The following SLC4A4 variants were observed in gnomAD, a reference collection of about 807,000 sequenced individuals.
SLC4A4 encodes the protein solute carrier family 4 member 4.
Under a neutral mutation model 111.5 loss-of-function variants are expected in SLC4A4, and 27 were observed. That is an observed-to-expected ratio of 0.24 (90% CI 0.18 to 0.33). The LOEUF (loss-of-function observed/expected upper bound fraction) is 0.33, where lower values mean the gene tolerates loss of function less well. Among genes scored for constraint, SLC4A4 ranks in the 10% least tolerant of loss-of-function variants. The probability of loss-of-function intolerance (pLI) is 1.00; values close to 1 mark genes in which losing one functional copy is unlikely to be tolerated. For synonymous variants in SLC4A4, 443 were observed against 463.4 expected (o/e 0.96, Z 0.57); for missense variants, 909 against 1,315.5 (o/e 0.69, Z 4.78).
intron 2 of SLC4A4, among the ~76,000 whole-genome samples, chr4:71,143,398 G>A (rs142112148): frequency 0.02 from 3,079 of 152,168 alleles, 50 homozygotes; most frequent in Non-Finnish European, 0.032. Flanking sequence ...GAATAGTGCC[G>A]CAGTAGACAT....
chr4:71,466,966 G>GGAGAGAGAGAGAGAGA (rs796419967), intron 13 of SLC4A4, among the ~76,000 whole-genome samples: 1 of 88,462 alleles, frequency 1.1e-5, no homozygotes, highest in Non-Finnish European at 2.1e-5. Flanking sequence ...AGAGAGAGAG[G>GGAGAGAGAGAGAGAGA]GAGAGAGAGA....
rs367642462 is a variant in SLC4A4, at chr4:71,107,497, C to T, written c.-2+14705C>T. On this transcript the variant is annotated intron_variant, in intron 2 of 26. Transcript: ENST00000649996. ...AAGTAGTTGGGACTAGAGGCACATG[C>T]CACCATGCCCGGCTAATTTTTTTGC... Among the ~76,000 whole-genome samples, 196 of 152,124 alleles carry T rather than the reference C, an allele frequency of 1.3e-3. 1 individual carries two copies. Among genetic ancestry groups the T allele is most frequent in the African/African-American group, 4.6e-3 (191 of 41,498 alleles).
chr4:71,299,917 A>G (rs1450190695), intron 3 of SLC4A4, among the ~76,000 whole-genome samples: 1 of 152,168 alleles, frequency 6.6e-6, no homozygotes, highest in African/African-American at 2.4e-5. Context: ...CGCACACCCC[A>G]TTTTGATTAA....
intron 7 of SLC4A4, among the ~76,000 whole-genome samples, chr4:71,407,298 T>G (rs1349940941): frequency 6.6e-6 from 1 of 152,220 alleles, no homozygotes; most frequent in Non-Finnish European, 1.5e-5. Flanking sequence ...GCTGCCACAA[T>G]GATTAAAATA....
At chr4:71,423,807 G>C (rs535407054) in intron 7 of SLC4A4, among the ~76,000 whole-genome samples, 1 of 152,296 alleles carries the variant, frequency 6.6e-6, no homozygotes, top group African/African-American at 2.4e-5. Flanking sequence ...GCTGAAATTG[G>C]CTCCCTTCCT....
intron 16 of SLC4A4, among the ~76,000 whole-genome samples, chr4:71,509,518 T>A (rs888430928): frequency 2.0e-5 from 3 of 152,146 alleles, no homozygotes; most frequent in Non-Finnish European, 4.4e-5. Context: ...TCAGCTTAAT[T>A]TTTGTAAGCA....
At chr4:71,418,049 C>T (rs1000046629) in intron 7 of SLC4A4, among the ~76,000 whole-genome samples, 4 of 151,904 alleles carry the variant, frequency 2.6e-5, no homozygotes, top group Non-Finnish European at 5.9e-5. Context: ...TAGCTATATG[C>T]GTATTGACAA....
intron 6 of SLC4A4, among the ~76,000 whole-genome samples, chr4:71,384,500 A>G (rs541050555): frequency 1.3e-5 from 2 of 152,164 alleles, no homozygotes; most frequent in South Asian, 2.1e-4. Flanking sequence ...AGCCAATTGA[A>G]TGGCCTTTTC....
upstream of SLC4A4, among the ~76,000 whole-genome samples, chr4:71,182,383 C>A (rs1745320650): frequency 6.6e-6 from 1 of 152,128 alleles, no homozygotes; most frequent in Non-Finnish European, 1.5e-5. Context: ...TGGGTACTAG[C>A]AACATCAACT....
At chr4:71,158,202 A>G (rs1392725211) in intron 2 of SLC4A4, among the ~76,000 whole-genome samples, 4 of 151,842 alleles carry the variant, frequency 2.6e-5, no homozygotes, top group Non-Finnish European at 5.9e-5. Context: ...AACAAGTAAT[A>G]TAAACATGTA....
rs978202763 is a variant in SLC4A4, at chr4:71,571,970, A to G, written c.*4219A>G. The G allele has an allele frequency of 2.0e-5, 3 of 152,294 alleles. No individual in the cohort carries two copies. The highest frequency in any genetic ancestry group is 4.4e-5 in the Non-Finnish European group (3 of 67,894). 9.4% of individuals were successfully genotyped at this position (152,294 alleles called of 1,614,324 possible). A position where few individuals can be genotyped will look rare whatever the true frequency, so the allele number is the denominator to read the frequency against. On this transcript the variant is annotated 3_prime_UTR_variant, in exon 26 of 26. Transcript: ENST00000264485. ...CTATAACATAGTATTTTACAGTTTT[A>G]TGAAGCTTTCTATTGTGACTTTTAT...
chr4:71,231,421 ATT>A, intron 1 of SLC4A4, among the ~76,000 whole-genome samples: 1 of 152,338 alleles, frequency 6.6e-6, no homozygotes, highest in East Asian at 1.9e-4. Context: ...CTGCTCAGTG[ATT>A]AGGACCGGCT....
chr4:71,424,007 A>C (rs1402022016), intron 7 of SLC4A4, among the ~76,000 whole-genome samples: 3 of 152,142 alleles, frequency 2.0e-5, no homozygotes, highest in Admixed American at 6.6e-5. Flanking sequence ...TAGTTAAACT[A>C]AAGAGCTTCT....
intron 18 of SLC4A4, among the ~76,000 whole-genome samples, chr4:71,543,357 C>T (rs914293221): frequency 2.0e-5 from 3 of 152,064 alleles, no homozygotes; most frequent in African/African-American, 4.8e-5. Flanking sequence ...GTGATTTTCC[C>T]TTCCCCTTAA....
chr4:71,445,201 A>G (rs1448925493), intron 8 of SLC4A4, among the ~76,000 whole-genome samples: 1 of 152,168 alleles, frequency 6.6e-6, no homozygotes, highest in Non-Finnish European at 1.5e-5. Flanking sequence ...AATATTTTAT[A>G]GAAAATGTCT....
chr4:71,116,112 C>T (rs182537556), intron 2 of SLC4A4, among the ~76,000 whole-genome samples: 5 of 152,276 alleles, frequency 3.3e-5, no homozygotes, highest in Admixed American at 6.5e-5. Context: ...TCAGGCTGGT[C>T]TTGAATTCCT....
At chr4:71,154,296 C>A (rs1231655762) in intron 2 of SLC4A4, among the ~76,000 whole-genome samples, 1 of 152,128 alleles carries the variant, frequency 6.6e-6, no homozygotes, top group Non-Finnish European at 1.5e-5. Flanking sequence ...TGGCTCTACA[C>A]TGGGAAGCAC....
chr4:71,519,076 C>A (rs1207856014), intron 16 of SLC4A4, among the ~76,000 whole-genome samples: 1 of 152,122 alleles, frequency 6.6e-6, no homozygotes, highest in African/African-American at 2.4e-5. Context: ...TTCAATGTGT[C>A]TTTTCTTATT....
intron 2 of SLC4A4, among the ~76,000 whole-genome samples, chr4:71,242,116 C>T (rs1578658431): frequency 6.6e-6 from 1 of 152,244 alleles, no homozygotes; most frequent in Middle Eastern, 3.4e-3. Context: ...CAGAGAATTC[C>T]CTGGTAGTAT....
Sources: gnomAD v4.1 joint callset for allele counts (sites outside exome capture counted in the v4.1 genomes callset) on GRCh38, gnomAD v4.1.1 for gene constraint, MANE v1.5 for transcripts, NCBI Gene and HGNC (gene_info 2026-07-23, HGNC 2026-07-21) for gene names.